Variants in HEMK2 observed in about 807,000 individuals in gnomAD.
HEMK2 encodes HemK methyltransferase 2, ETF1 glutamine and histone H4 lysine.
the HEMK2 span, among the ~76,000 whole-genome samples, chr21:28,819,919 A>G: frequency 6.6e-6 from 1 of 152,118 alleles, no homozygotes; most frequent in Admixed American, 6.6e-5. Flanking sequence ...TATCTCACCT[A>G]AGGTACATGA....
the HEMK2 span, among the ~76,000 whole-genome samples, chr21:28,726,297 A>G: frequency 6.6e-6 from 1 of 152,012 alleles, no homozygotes; most frequent in Non-Finnish European, 1.5e-5. Context: ...AAACAATACA[A>G]ATATATTTTA....
chr21:28,817,503 A>G, the HEMK2 span, among the ~76,000 whole-genome samples: 1 of 152,330 alleles, frequency 6.6e-6, no homozygotes, highest in African/African-American at 2.4e-5. Flanking sequence ...GGCAAAGAGG[A>G]CAAAAATGGG....
the HEMK2 span, among the ~76,000 whole-genome samples, chr21:28,680,827 A>G: frequency 1.3e-5 from 2 of 152,224 alleles, no homozygotes; most frequent in African/African-American, 4.8e-5. Context: ...TGGATGCAGA[A>G]AAGGCCTTTG....
At chr21:28,635,101 CT>C in the HEMK2 span, among the ~76,000 whole-genome samples, 14,777 of 142,816 alleles carry the variant, frequency 0.1, 884 homozygotes, top group East Asian at 0.33. Flanking sequence ...ATGTCCTCAT[CT>C]TTTTTTTTTT....
chr21:28,766,679 AG>A, the HEMK2 span, among the ~76,000 whole-genome samples: 1 of 152,146 alleles, frequency 6.6e-6, no homozygotes, highest in African/African-American at 2.4e-5. Flanking sequence ...AGCCATAAAA[AG>A]GAAGGAAATA....
At chr21:28,616,950 G>A in the HEMK2 span, among the ~76,000 whole-genome samples, 1 of 152,142 alleles carries the variant, frequency 6.6e-6, no homozygotes, top group African/African-American at 2.4e-5. Flanking sequence ...AGGCACTGAG[G>A]CACAGTGATA....
the HEMK2 span, among the ~76,000 whole-genome samples, chr21:28,825,722 T>C: frequency 2.0e-5 from 3 of 152,204 alleles, no homozygotes; most frequent in Non-Finnish European, 2.9e-5. Flanking sequence ...AGTTCCTGAA[T>C]TAGGAATTTT....
At chr21:28,607,711 A>G in the HEMK2 span, among the ~76,000 whole-genome samples, 1,196 of 152,376 alleles carry the variant, frequency 7.8e-3, 18 homozygotes, top group African/African-American at 0.028. Context: ...TACCTGGCAC[A>G]TTGAGAAGTT....
chr21:28,781,550 A>T, the HEMK2 span, among the ~76,000 whole-genome samples: 2 of 152,240 alleles, frequency 1.3e-5, no homozygotes. Context: ...AAGGAATCAG[A>T]TTAAAATCAG....
chr21:28,783,633 G>A, the HEMK2 span, among the ~76,000 whole-genome samples: 3 of 152,200 alleles, frequency 2.0e-5, no homozygotes, highest in Admixed American at 6.5e-5. Context: ...GCACCTCCTC[G>A]GCCTCGGCAC....
chr21:28,767,663 G>C, the HEMK2 span, among the ~76,000 whole-genome samples: 10 of 152,076 alleles, frequency 6.6e-5, no homozygotes, highest in Non-Finnish European at 1.2e-4. Flanking sequence ...ACCACACACA[G>C]AGCCGAGAGG....
At chr21:28,620,752 C>A in the HEMK2 span, among the ~76,000 whole-genome samples, 10 of 143,562 alleles carry the variant, frequency 7.0e-5, no homozygotes, top group East Asian at 2.2e-3. Flanking sequence ...GGGCTCACTG[C>A]AACCTCCACC....
the HEMK2 span, among the ~76,000 whole-genome samples, chr21:28,599,472 T>C: frequency 0.018 from 2,707 of 152,058 alleles, 107 homozygotes; most frequent in African/African-American, 0.063. Context: ...ATGGGGAAAA[T>C]CACCTCCATG....
chr21:28,578,859 A>G, the HEMK2 span, among the ~76,000 whole-genome samples: 1 of 152,164 alleles, frequency 6.6e-6, no homozygotes, highest in African/African-American at 2.4e-5. Flanking sequence ...TAACTAATAA[A>G]TTTGTAAGTA....
chr21:28,749,363 A>C, the HEMK2 span, among the ~76,000 whole-genome samples: 2 of 152,216 alleles, frequency 1.3e-5, no homozygotes, highest in African/African-American at 2.4e-5. Context: ...TCTCATAAGA[A>C]CTTATGTGGT....
At chr21:28,660,429 T>G in the HEMK2 span, among the ~76,000 whole-genome samples, 3 of 151,758 alleles carry the variant, frequency 2.0e-5, no homozygotes, top group East Asian at 5.8e-4. Context: ...TTGGGGTAAC[T>G]CTTCTTTATC....
At chr21:28,718,469 A>G in the HEMK2 span, among the ~76,000 whole-genome samples, 2 of 152,164 alleles carry the variant, frequency 1.3e-5, no homozygotes, top group African/African-American at 4.8e-5. Context: ...AAGTCCAGAA[A>G]TTCTTTGTTA....
chr21:28,850,522 G>A, the HEMK2 span, among the ~76,000 whole-genome samples: 2 of 152,134 alleles, frequency 1.3e-5, no homozygotes, highest in Non-Finnish European at 2.9e-5. Flanking sequence ...CATTCTTATG[G>A]AAAAGAAATT....
the HEMK2 span, among the ~76,000 whole-genome samples, chr21:28,713,429 C>T: frequency 0.021 from 3,254 of 152,256 alleles, 102 homozygotes; most frequent in African/African-American, 0.073. Context: ...ACCTATTCCG[C>T]GTTGACTCTC....
Sources: allele counts gnomAD v4.1 joint callset (sites outside exome capture counted in the v4.1 genomes callset), GRCh38; gene constraint gnomAD v4.1.1; transcripts MANE v1.5; gene names NCBI Gene and HGNC (gene_info 2026-07-23, HGNC 2026-07-21).